Variants in HS3ST3A1 observed in about 807,000 individuals in gnomAD.
The protein encoded by HS3ST3A1 is heparan sulfate-glucosamine 3-sulfotransferase 3A1, also known as heparan sulfate glucosamine 3-O-sulfotransferase 3A1.
HS3ST3A1 carries 19 observed loss-of-function variants against 25.7 expected under a neutral mutation model. The ratio of observed to expected loss-of-function variants is 0.74; its 90% CI spans 0.52 to 1.08. The LOEUF (loss-of-function observed/expected upper bound fraction) is 1.08, where lower values mean the gene tolerates loss of function less well. Ranked by LOEUF, HS3ST3A1 falls within the 50% of genes least tolerant of loss-of-function variation. The pLI is 0.00. For missense variants in HS3ST3A1, 459 were observed against 594.3 expected, an observed-to-expected ratio of 0.77 and a Z score of 2.37; for synonymous variants, 226 against 278.6, an observed-to-expected ratio of 0.81 and a Z score of 1.88.
intron 1 of HS3ST3A1, among the ~76,000 whole-genome samples, chr17:13,594,304 C>A (rs1181758740): frequency 6.6e-6 from 1 of 152,154 alleles, no homozygotes; most frequent in Non-Finnish European, 1.5e-5. Flanking sequence ...TTTAACCTGA[C>A]CACCACCCTG....
rs531898359 is a variant in HS3ST3A1, at chr17:13,600,991, G to C, written c.139C>G (p.Gln47Glu). 124 of 1,572,378 alleles carry C rather than the reference G, an allele frequency of 7.9e-5. 4 individuals carry two copies. In the Middle Eastern group the frequency reaches 1.3e-3, roughly 17 times the overall value. ...YVFYCLAERC[Q>E]TLSGPVVGLS... ...CCCACGACGGGGCCGGACAGGGTCT[G>C]GCAGCGCTCGGCCAGGCAGTAGAAG... The change falls in exon 1 of 2, where the codon CAG becomes GAG. Residue 47 changes from glutamine (Q) to glutamate (E), a missense_variant. Gln to Glu is a conservative substitution (Grantham distance 29). Coordinates refer to ENST00000284110, the MANE Select transcript of HS3ST3A1 (RefSeq NM_006042.3).
At chr17:13,576,077 A>C (rs1443408433) in intron 1 of HS3ST3A1, among the ~76,000 whole-genome samples, 2 of 152,220 alleles carry the variant, frequency 1.3e-5, no homozygotes, top group Non-Finnish European at 2.9e-5. Context: ...TCTCCAGGTG[A>C]TTCTGATGCA....
intron 1 of HS3ST3A1, chr17:13,556,005 A>G (rs1480004447): frequency 3.3e-5 from 5 of 152,290 alleles, no homozygotes; most frequent in African/African-American, 1.2e-4. Flanking sequence ...AAAATGACCT[A>G]AGAAGAAGAA....
chr17:13,577,537 C>T (rs1907976614), intron 1 of HS3ST3A1, among the ~76,000 whole-genome samples: 1 of 151,882 alleles, frequency 6.6e-6, no homozygotes, highest in Admixed American at 6.6e-5. Context: ...TTCATGACAA[C>T]AGTCATACCC....
intron 1 of HS3ST3A1, among the ~76,000 whole-genome samples, chr17:13,526,948 C>A (rs115138997): frequency 3.3e-5 from 5 of 152,252 alleles, no homozygotes; most frequent in Admixed American, 1.3e-4. Context: ...CCACCGCACC[C>A]GGCCCACAGT....
At chr17:13,570,370 T>C (rs1177103036) in intron 1 of HS3ST3A1, among the ~76,000 whole-genome samples, 1 of 152,240 alleles carries the variant, frequency 6.6e-6, no homozygotes, top group East Asian at 1.9e-4. Context: ...TGCTTAGTTC[T>C]AATACGCTTT....
In HS3ST3A1 at chr17:13,496,141, G is replaced by T; in HGVS notation, c.*56C>A. 2 of 1,440,244 alleles carry T rather than the reference G, an allele frequency of 1.4e-6. No individual in the cohort carries two copies. Among genetic ancestry groups the T allele is most frequent in the Non-Finnish European group, 1.8e-6 (2 of 1,091,272 alleles). 89.2% of individuals were successfully genotyped at this position (1,440,244 alleles called of 1,614,324 possible). On this transcript the variant is annotated 3_prime_UTR_variant, in exon 2 of 2. Coordinates refer to ENST00000284110, the MANE Select transcript of HS3ST3A1 (RefSeq NM_006042.3). Reference sequence around the variant, plus strand: ...AATATTAAACTGTCTCTTCTCTACCGATTGGTAAAAAAATATATTATATTT... The same window carrying T: ...AATATTAAACTGTCTCTTCTCTACCTATTGGTAAAAAAATATATTATATTT...
intron 1 of HS3ST3A1, among the ~76,000 whole-genome samples, chr17:13,514,071 A>G (rs1340244626): frequency 3.3e-5 from 5 of 152,032 alleles, no homozygotes; most frequent in Non-Finnish European, 7.4e-5. Flanking sequence ...CCAGATGTTT[A>G]TCAAGATTAT....
chr17:13,563,548 A>C (rs182971726), intron 1 of HS3ST3A1, among the ~76,000 whole-genome samples: 1 of 152,236 alleles, frequency 6.6e-6, no homozygotes, highest in Non-Finnish European at 1.5e-5. Flanking sequence ...TGTTGACCCC[A>C]GTGTGGGGGG....
chr17:13,560,289 CAAAAAAAAAAA>C (rs10632927), intron 1 of HS3ST3A1, among the ~76,000 whole-genome samples: 27 of 17,376 alleles, frequency 1.6e-3, no homozygotes, highest in African/African-American at 1.7e-3. Flanking sequence ...CACTCGTCTC[CAAAAAAAAAAA>C]AAAAAAAAAA....
At chr17:13,564,923 A>C (rs951290548) in intron 1 of HS3ST3A1, among the ~76,000 whole-genome samples, 7 of 151,844 alleles carry the variant, frequency 4.6e-5, no homozygotes, top group African/African-American at 1.7e-4. Context: ...GGTTCTGCCA[A>C]GTTGGCCAGG....
intron 1 of HS3ST3A1, among the ~76,000 whole-genome samples, chr17:13,504,869 C>T (rs1168649890): frequency 6.6e-6 from 1 of 152,178 alleles, no homozygotes; most frequent in African/African-American, 2.4e-5. Flanking sequence ...AGCTGCCCCT[C>T]ACATGGGCCA....
chr17:13,560,314 AAAAAAG>A (rs1308952707), intron 1 of HS3ST3A1, among the ~76,000 whole-genome samples: 27 of 143,760 alleles, frequency 1.9e-4, no homozygotes, highest in African/African-American at 6.8e-4. Flanking sequence ...AAAAAAAAAA[AAAAAAG>A]TGTATTACCT....
chr17:13,530,022 A>ACACC (rs1906556528), intron 1 of HS3ST3A1, among the ~76,000 whole-genome samples: 1 of 151,408 alleles, frequency 6.6e-6, no homozygotes, highest in African/African-American at 2.4e-5. Flanking sequence ...ACACACACAC[A>ACACC]CACACACACA....
At chr17:13,526,032 A>G (rs980207314) in intron 1 of HS3ST3A1, among the ~76,000 whole-genome samples, 3 of 152,036 alleles carry the variant, frequency 2.0e-5, no homozygotes, top group Admixed American at 2.0e-4. Context: ...AGACTGGGAT[A>G]TCAGTCCTCC....
intron 1 of HS3ST3A1, among the ~76,000 whole-genome samples, chr17:13,520,525 A>G (rs527384022): frequency 2.9e-4 from 44 of 152,334 alleles, no homozygotes; most frequent in African/African-American, 9.4e-4. Flanking sequence ...AACGTCTGAA[A>G]TATATCCCAA....
At chr17:13,535,152 A>G (rs1479638860) in intron 1 of HS3ST3A1, among the ~76,000 whole-genome samples, 2 of 152,234 alleles carry the variant, frequency 1.3e-5, no homozygotes, top group Non-Finnish European at 2.9e-5. Context: ...CAAATGCTCA[A>G]ATCATAATCT....
intron 1 of HS3ST3A1, among the ~76,000 whole-genome samples, chr17:13,566,155 C>T (rs114709864): frequency 0.016 from 2,499 of 152,248 alleles, 67 homozygotes; most frequent in African/African-American, 0.055. Flanking sequence ...GTCATTTTTC[C>T]AATAGCATGC....
rs192607447 is a variant in HS3ST3A1 at position 13,546,394 on chromosome 17, A to G, written c.600-49576T>C. ...GATTCTCCTGCCTCAGCCTCTCGAG[A>G]AGCTGAAATTACAAGTGCGTGTGCC... On this transcript the variant is annotated intron_variant, in intron 1 of 1. Coordinates refer to ENST00000284110, the MANE Select transcript of HS3ST3A1 (RefSeq NM_006042.3). Among the ~76,000 whole-genome samples, 199 of 151,920 alleles carry G rather than the reference A, an allele frequency of 1.3e-3. No homozygotes were observed. In the Middle Eastern group the frequency reaches 0.014, roughly 10 times the overall value.
Sources: allele counts gnomAD v4.1 joint callset (sites outside exome capture counted in the v4.1 genomes callset), GRCh38; gene constraint gnomAD v4.1.1; transcripts MANE v1.5; gene names NCBI Gene and HGNC (gene_info 2026-07-23, HGNC 2026-07-21).